The following PYDC5 variants were observed in gnomAD, a reference collection of about 807,000 sequenced individuals.
PYDC5 encodes the protein pyrin domain-containing protein 5.
chr1:159,001,219 T>C, the PYDC5 span, among the ~76,000 whole-genome samples: 1 of 152,172 alleles, frequency 6.6e-6, no homozygotes, highest in Non-Finnish European at 1.5e-5. Context: ...TACTCAAATG[T>C]CCAACACACA....
At chr1:159,002,197 G>A in the PYDC5 span, among the ~76,000 whole-genome samples, 1 of 152,212 alleles carries the variant, frequency 6.6e-6, no homozygotes, top group East Asian at 1.9e-4. Context: ...CAAACAGCTA[G>A]TAAAAGACAG....
At chr1:159,000,495 C>A in the PYDC5 span, 1 of 152,660 alleles carries the variant, frequency 6.6e-6, no homozygotes, top group African/African-American at 2.4e-5. Context: ...GCAAGATAGT[C>A]CTTCTTCCTG....
the PYDC5 span, among the ~76,000 whole-genome samples, chr1:159,001,588 T>C: frequency 1.3e-5 from 2 of 152,174 alleles, no homozygotes; most frequent in Non-Finnish European, 2.9e-5. Flanking sequence ...TGAACGCCCC[T>C]GTCTTACCAG....
At chr1:159,000,309 C>T in the PYDC5 span, 1 of 244,520 alleles carries the variant, frequency 4.1e-6, no homozygotes, top group African/African-American at 2.3e-5. Context: ...TATTTACTCT[C>T]CATCTCACGA....
chr1:159,001,211 C>G, the PYDC5 span, among the ~76,000 whole-genome samples: 2 of 152,182 alleles, frequency 1.3e-5, no homozygotes, highest in Non-Finnish European at 2.9e-5. Flanking sequence ...AACCACGTTA[C>G]TCAAATGTCC....
At chr1:159,001,973 A>G in the PYDC5 span, among the ~76,000 whole-genome samples, 1 of 152,206 alleles carries the variant, frequency 6.6e-6, no homozygotes. Context: ...CTGGGTAGCA[A>G]CTTACTGTGT....
the PYDC5 span, among the ~76,000 whole-genome samples, chr1:159,000,857 A>G: frequency 6.6e-6 from 1 of 152,108 alleles, no homozygotes; most frequent in Non-Finnish European, 1.5e-5. Context: ...CCCCTGGTTG[A>G]TGAGTGAGTT....
At chr1:159,000,343 A>T in the PYDC5 span, 1 of 221,914 alleles carries the variant, frequency 4.5e-6, no homozygotes, top group Non-Finnish European at 9.6e-6. Context: ...AAGGGATCCA[A>T]ACTATGTAAG....
chr1:159,001,488 A>G, the PYDC5 span, among the ~76,000 whole-genome samples: 1 of 152,238 alleles, frequency 6.6e-6, no homozygotes, highest in Non-Finnish European at 1.5e-5. Context: ...TAGAATTTAT[A>G]AGCAAAAATT....
the PYDC5 span, among the ~76,000 whole-genome samples, chr1:159,001,140 G>A: frequency 6.6e-6 from 1 of 152,318 alleles, no homozygotes; most frequent in African/African-American, 2.4e-5. Context: ...CAGAATGTGT[G>A]TAGAACTACA....
the PYDC5 span, among the ~76,000 whole-genome samples, chr1:159,001,329 T>TATG: frequency 6.6e-6 from 1 of 152,216 alleles, no homozygotes; most frequent in Admixed American, 6.5e-5. Flanking sequence ...AAAGGATGTT[T>TATG]ATGAGCTGAA....
chr1:159,002,076 A>T, the PYDC5 span, among the ~76,000 whole-genome samples: 1 of 152,228 alleles, frequency 6.6e-6, no homozygotes, highest in South Asian at 2.1e-4. Context: ...GATAATTCCT[A>T]TCTCCAGGTT....
At chr1:159,001,816 T>C in the PYDC5 span, among the ~76,000 whole-genome samples, 1 of 152,254 alleles carries the variant, frequency 6.6e-6, no homozygotes, top group Non-Finnish European at 1.5e-5. Context: ...GATATCTGTT[T>C]ACTTAAAACA....
At chr1:159,001,363 G>A in the PYDC5 span, among the ~76,000 whole-genome samples, 6 of 152,142 alleles carry the variant, frequency 3.9e-5, no homozygotes, top group African/African-American at 1.2e-4. Flanking sequence ...GACTTTTAGG[G>A]GAGGCTCCCA....
At chr1:159,000,688 AT>A in the PYDC5 span, among the ~76,000 whole-genome samples, 55 of 152,278 alleles carry the variant, frequency 3.6e-4, 1 homozygote, top group African/African-American at 1.3e-3. Context: ...CAATTTTTCA[AT>A]TTCTTCTTTC....
At chr1:159,001,862 C>T in the PYDC5 span, among the ~76,000 whole-genome samples, 11 of 152,232 alleles carry the variant, frequency 7.2e-5, no homozygotes, top group Admixed American at 2.6e-4. Flanking sequence ...AAAATGTATA[C>T]CCAAAGAAAA....
the PYDC5 span, among the ~76,000 whole-genome samples, chr1:159,002,543 T>TA: frequency 3.3e-5 from 5 of 150,490 alleles, no homozygotes; most frequent in East Asian, 1.1e-3. Context: ...AATAGCACGA[T>TA]ACCGTTACTA....
At chr1:159,001,759 TAA>T in the PYDC5 span, among the ~76,000 whole-genome samples, 1 of 152,178 alleles carries the variant, frequency 6.6e-6, no homozygotes, top group Admixed American at 6.5e-5. Context: ...ATAAGAAAAT[TAA>T]GACACCTTTT....
the PYDC5 span, chr1:159,000,220 A>T: frequency 3.9e-6 from 1 of 257,318 alleles, no homozygotes; most frequent in Non-Finnish European, 8.2e-6. Context: ...TATTAAACTC[A>T]TCTGGAAGAA....
Sources: allele counts gnomAD v4.1 joint callset (sites outside exome capture counted in the v4.1 genomes callset), GRCh38; gene constraint gnomAD v4.1.1; transcripts MANE v1.5; gene names NCBI Gene and HGNC (gene_info 2026-07-23, HGNC 2026-07-21).